Variants in SV2B observed in about 807,000 individuals in gnomAD.
SV2B encodes the protein solute carrier family 22 member B2.
A neutral mutation model predicts 73.9 loss-of-function variants in SV2B; 41 were observed. The observed-to-expected ratio is 0.56, with a 90% CI of 0.43 to 0.72. The LOEUF (loss-of-function observed/expected upper bound fraction) is 0.72. Ranked by LOEUF, SV2B falls within the 30% of genes least tolerant of loss-of-function variation. The pLI, the probability that SV2B is intolerant of heterozygous loss-of-function variation, is 0.00. For synonymous variants in SV2B, 314 were observed against 314.2 expected (o/e 1.00, Z 0.01); for missense variants, 764 against 857.8 (o/e 0.89, Z 1.37).
Position 91,299,508 on chromosome 15 carries a change from T to C in SV2B, c.*6956T>C, listed in dbSNP as rs563777395. The C allele has an allele frequency of 7.9e-5, 12 of 152,216 alleles. No individual in the cohort carries two copies. The South Asian group carries it at 2.1e-3, about 26-fold the overall frequency. The allele number at this position is 152,216 out of a possible 1,614,324, so 9.4% of individuals were successfully genotyped here. On this transcript the variant is annotated 3_prime_UTR_variant, in exon 13 of 13. Coordinates refer to ENST00000394232, the MANE Select transcript of SV2B (RefSeq NM_001323032.3). ...GAGCTAAAGATTTGCAATCAGAACA[T>C]TGGTAGAGTGCATTGCTGAGTTATA...
At position 91,226,287 on chromosome 15, in the gene SV2B, C is replaced by A. The variant is rs2046373897; in HGVS notation, c.24C>A (p.Asp8Glu). 5 of 1,613,988 alleles carry A rather than the reference C, an allele frequency of 3.1e-6. No individual in the cohort carries two copies. Among genetic ancestry groups the A allele is most frequent in the Non-Finnish European group, 4.2e-6 (5 of 1,180,026 alleles). MDDYKYQ[D>E]NYGGYAPSDG... ...GAATGGATGACTACAAGTATCAGGACAATTATGGGGGCTATGCTCCCAGTG... is the reference window on the plus strand; with the variant it reads ...GAATGGATGACTACAAGTATCAGGAAAATTATGGGGGCTATGCTCCCAGTG... Residue 8 changes from aspartate to glutamate, a missense_variant, in exon 2 of 13, where the codon GAC (aspartate) becomes GAA (glutamate). Asp to Glu is a conservative substitution (Grantham distance 45, BLOSUM62 2). Coordinates refer to ENST00000394232, the MANE Select transcript of SV2B (RefSeq NM_001323032.3).
chr15:91,251,943 T>A lies in SV2B; in HGVS notation c.576T>A (p.Ser192=), dbSNP rs12909119. ...LAVNASFASL[S]SFVQGYGAFL... The stretch of plus-strand genomic sequence containing the variant: ...TCAATGCCTCCTTCGCCTCCCTCTC[T>A]TCCTTCGTGCAGGGATATGGAGCCT... The change falls in exon 3 of 13, where the codon TCT becomes TCA. Residue 192 remains serine, a synonymous_variant. Coordinates refer to ENST00000394232, the MANE Select transcript of SV2B (RefSeq NM_001323032.3). 60,718 of 1,614,120 alleles carry A rather than the reference T, an allele frequency of 0.038. 1,305 individuals carry two copies. Among genetic ancestry groups the A allele is most frequent in the South Asian group, 0.053 (4,818 of 91,066 alleles).
chr15:91,232,577 C>T lies in SV2B; in HGVS notation c.451+5863C>T, dbSNP rs190851626. ...GGTACTGAGAGTGCTTCTAGAGGAG[C>T]GGAATTTTGAGGATGAGTTGTCTGA... On this transcript the variant is annotated intron_variant, in intron 2 of 12. Coordinates refer to ENST00000394232, the MANE Select transcript of SV2B (RefSeq NM_001323032.3). This position sits in a 1 kb window ranked among gnomAD's most constrained non-coding sequence, Gnocchi z 4.7. 2.6e-5 allele frequency among the ~76,000 whole-genome samples: 4 copies of T among 151,978 alleles called. No homozygotes were observed. Among genetic ancestry groups the T allele is most frequent in the East Asian group, 1.9e-4 (1 of 5,192 alleles).
Position 91,242,113 on chromosome 15 carries a change from C to T in SV2B, c.452-9706C>T, listed in dbSNP as rs1238455445. The stretch of plus-strand genomic sequence containing the variant: ...GTTCACAGCAACTCTAACGGTTAGC[C>T]ACTCTCTCCTCCTTGATGCGCTTTC... On this transcript the variant is annotated intron_variant, in intron 2 of 12. Coordinates refer to ENST00000394232, the MANE Select transcript of SV2B (RefSeq NM_001323032.3). This position sits in a 1 kb window ranked among gnomAD's most constrained non-coding sequence, Gnocchi z 4.9. Among the ~76,000 whole-genome samples, 1 of 152,168 alleles carries T rather than the reference C, an allele frequency of 6.6e-6. No homozygotes were observed. Among genetic ancestry groups the T allele is most frequent in the Non-Finnish European group, 1.5e-5 (1 of 68,042 alleles).
intron 1 of SV2B, among the ~76,000 whole-genome samples, chr15:91,162,510 G>C (rs2043758156): frequency 1.3e-5 from 2 of 148,758 alleles, no homozygotes; most frequent in Admixed American, 1.3e-4. Context: ...CACAAGTTTA[G>C]AAACATAAGA....
chr15:91,266,901 G>A, intron 7 of SV2B: 1 of 420,968 alleles, frequency 2.4e-6, no homozygotes, highest in Non-Finnish European at 4.2e-6. Flanking sequence ...CTAAATCTTA[G>A]TTTCTTTTCT....
intron 1 of SV2B, among the ~76,000 whole-genome samples, chr15:91,165,537 A>G (rs1473294114): frequency 1.3e-5 from 2 of 152,182 alleles, no homozygotes; most frequent in African/African-American, 4.8e-5. Flanking sequence ...CATTTAATAT[A>G]AAGAACTTGA....
chr15:91,278,036 T>TA (rs1243044154), intron 9 of SV2B, among the ~76,000 whole-genome samples: 1 of 152,212 alleles, frequency 6.6e-6, no homozygotes, highest in East Asian at 1.9e-4. Flanking sequence ...TGTATGTCCT[T>TA]ACGCTATTTG....
At chr15:91,276,320 T>C (rs1295724456) in intron 9 of SV2B, among the ~76,000 whole-genome samples, 1 of 152,078 alleles carries the variant, frequency 6.6e-6, no homozygotes, top group African/African-American at 2.4e-5. Context: ...ATTTACTCTA[T>C]TGAGGTTCTA....
rs754394449 is a variant in SV2B at position 91,226,659 on chromosome 15, C to T, written c.396C>T (p.Ala132=). The part of the protein sequence containing the change: ...DGVEVFVVSF[A]LPSAEKDMCL... Reference sequence around the variant, plus strand: ...TGGAAGTGTTCGTGGTGAGTTTTGCCCTGCCCAGTGCAGAGAAGGACATGT... The same window carrying T: ...TGGAAGTGTTCGTGGTGAGTTTTGCTCTGCCCAGTGCAGAGAAGGACATGT... Residue 132 remains alanine, a synonymous_variant, in exon 2 of 13, where the codon GCC becomes GCT. Coordinates refer to ENST00000394232, the MANE Select transcript of SV2B (RefSeq NM_001323032.3). 12 of 1,613,802 alleles carry T rather than the reference C, an allele frequency of 7.4e-6. No homozygotes were observed. Among genetic ancestry groups the T allele is most frequent in the Non-Finnish European group, 1.0e-5 (12 of 1,179,990 alleles).
rs190159223 is a variant in SV2B at position 91,224,669 on chromosome 15, G to C, written c.-391-1204G>C. The stretch of plus-strand genomic sequence containing the variant: ...GACCTGGTCCTAATGCTGTGACCTT[G>C]ATCGCGTTACTAACCCACTCGGAGA... On this transcript the variant is annotated intron_variant, in intron 1 of 12. Transcript: ENST00000394232. This position sits in a 1 kb window ranked among gnomAD's most constrained non-coding sequence, Gnocchi z 4.9. 6.6e-6 allele frequency among the ~76,000 whole-genome samples: 1 copy of C among 152,316 alleles called. No individual in the cohort carries two copies. The highest frequency in any genetic ancestry group is 1.9e-4 in the East Asian group (1 of 5,190).
chr15:91,208,140 G>A (rs17642426), intron 1 of SV2B, among the ~76,000 whole-genome samples: 5,270 of 152,188 alleles, frequency 0.035, 249 homozygotes, highest in East Asian at 0.12. Context: ...TCTCACCCGC[G>A]TCTGTGATCT....
intron 1 of SV2B, among the ~76,000 whole-genome samples, chr15:91,186,168 G>T (rs578132240): frequency 6.6e-6 from 1 of 152,114 alleles, no homozygotes; most frequent in African/African-American, 2.4e-5. Context: ...ATATTTATCG[G>T]TGAGATACAG....
At chr15:91,184,127 T>A (rs2044685777) in intron 1 of SV2B, among the ~76,000 whole-genome samples, 1 of 152,196 alleles carries the variant, frequency 6.6e-6, no homozygotes, top group South Asian at 2.1e-4. Flanking sequence ...TTCTTATTCA[T>A]CTCTGTTGCC....
intron 1 of SV2B, among the ~76,000 whole-genome samples, chr15:91,189,804 C>G (rs1242451008): frequency 6.6e-6 from 1 of 152,152 alleles, no homozygotes; most frequent in Non-Finnish European, 1.5e-5. Context: ...CTGGCTAACA[C>G]AGTGAAACAC....
chr15:91,276,330 A>G lies in SV2B; in HGVS notation c.1374-5398A>G, dbSNP rs760097512. Reference sequence around the variant, plus strand: ...TTGGGATTTACTCTATTGAGGTTCTATAAGTTTTATGAACTTATGGTTTGA... The same window carrying G: ...TTGGGATTTACTCTATTGAGGTTCTGTAAGTTTTATGAACTTATGGTTTGA... On this transcript the variant is annotated intron_variant, in intron 9 of 12. Coordinates refer to ENST00000394232, the MANE Select transcript of SV2B (RefSeq NM_001323032.3). Among the ~76,000 whole-genome samples the G allele has an allele frequency of 3.9e-5, 6 of 151,992 alleles. No individual in the cohort carries two copies. The East Asian group carries it at 5.8e-4, about 15-fold the overall frequency.
rs977415405 is a variant in SV2B at position 91,268,535 on chromosome 15, G to T, written c.1303G>T (p.Val435Leu). The change falls in exon 9 of 13, where the codon GTG (valine) becomes TTG (leucine). Residue 435 changes from valine (V) to leucine (L), a missense_variant. Transcript: ENST00000394232. The surrounding 1 kb of genome is among the most constrained non-coding windows in gnomAD (Gnocchi z 4.4). The stretch of plus-strand genomic sequence containing the variant: ...AATGAAGGTGTTTTTTGGTGAGCAT[G>T]TGTACGGCGCCACAATCAACTTCAC... ...SKMKVFFGEHVYGATINFTME... is the reference protein window; with the variant it reads ...SKMKVFFGEHLYGATINFTME... The T allele has an allele frequency of 1.8e-5, 29 of 1,614,004 alleles. No homozygotes were observed. Among genetic ancestry groups the T allele is most frequent in the Admixed American group, 3.3e-5 (2 of 60,006 alleles).
intron 1 of SV2B, among the ~76,000 whole-genome samples, chr15:91,126,173 G>C (rs2042477035): frequency 6.6e-6 from 1 of 152,206 alleles, no homozygotes; most frequent in African/African-American, 2.4e-5. Context: ...AACAAATTCA[G>C]GTATGAGGGT....
intron 6 of SV2B, among the ~76,000 whole-genome samples, chr15:91,260,750 A>C (rs547924421): frequency 2.0e-5 from 3 of 152,174 alleles, no homozygotes; most frequent in African/African-American, 4.8e-5. Flanking sequence ...ACAGTTCCGC[A>C]TGGCTGGGGA....
Sources: allele counts gnomAD v4.1 joint callset (sites outside exome capture counted in the v4.1 genomes callset), GRCh38; gene constraint gnomAD v4.1.1; non-coding constraint Gnocchi (gnomAD v3.1); transcripts MANE v1.5; gene names NCBI Gene and HGNC (gene_info 2026-07-23, HGNC 2026-07-21).